Variants in POLE observed in about 807,000 individuals in gnomAD.
POLE encodes DNA polymerase epsilon, catalytic subunit.
POLE carries 188 observed loss-of-function variants against 279.2 expected under a neutral mutation model. The ratio of observed to expected loss-of-function variants is 0.67; its 90% CI spans 0.60 to 0.76. POLE has a LOEUF of 0.76. Ranked by LOEUF, POLE falls within the 30% of genes least tolerant of loss-of-function variation. The pLI is 0.00. For synonymous variants in POLE, 1,214 were observed against 1,172.5 expected (o/e 1.04, Z -0.72); for missense variants, 2,703 against 3,016.7 (o/e 0.90, Z 2.44).
chr12:132,628,037 C>T (rs2041868565), intron 45 of POLE, among the ~76,000 whole-genome samples: 1 of 152,260 alleles, frequency 6.6e-6, no homozygotes, highest in African/African-American at 2.4e-5. Context: ...ACAATGTTCA[C>T]TTTCATCTCA....
At chr12:132,627,430 G>A (rs2041860089) in intron 45 of POLE, among the ~76,000 whole-genome samples, 1 of 152,134 alleles carries the variant, frequency 6.6e-6, no homozygotes, top group Admixed American at 6.5e-5. Context: ...CTTCCCAGTA[G>A]CTGGGACGAC....
At chr12:132,662,090 T>C (rs2042694717) in intron 23 of POLE, among the ~76,000 whole-genome samples, 1 of 152,190 alleles carries the variant, frequency 6.6e-6, no homozygotes, top group South Asian at 2.1e-4. Flanking sequence ...CACAGGGCTG[T>C]ACGCTACAGA....
intron 25 of POLE, 43 bp from the exon 26 acceptor site, chr12:132,659,552 CAG>C: frequency 6.4e-7 from 1 of 1,552,696 alleles, no homozygotes; most frequent in Non-Finnish European, 8.9e-7. Context: ...AATCAAGGGG[CAG>C]AGTCTGAGCT....
chr12:132,678,982 G>A (rs2043112281), intron 6 of POLE, among the ~76,000 whole-genome samples: 1 of 152,242 alleles, frequency 6.6e-6, no homozygotes, highest in South Asian at 2.1e-4. Context: ...TCTTTTGTCA[G>A]AGGGTAAGGT....
chr12:132,670,554 G>A (rs955765226), intron 16 of POLE, among the ~76,000 whole-genome samples: 1 of 150,250 alleles, frequency 6.7e-6, no homozygotes, highest in South Asian at 2.1e-4. Context: ...GTAGTGGAGC[G>A]ATCTCGGCTC....
intron 39 of POLE, chr12:132,640,975 G>C: frequency 2.2e-6 from 1 of 456,698 alleles, no homozygotes; most frequent in Non-Finnish European, 4.4e-6. Flanking sequence ...CTACAGCTGA[G>C]TACAGGCTCT....
At chr12:132,643,691 A>T in intron 33 of POLE, 131 bp from the exon 34 acceptor site, 1 of 1,464,296 alleles carries the variant, frequency 6.8e-7, no homozygotes, top group Non-Finnish European at 9.4e-7. Context: ...CACTTTTGGC[A>T]GACACACTGC....
chr12:132,643,754 C>A (rs2138556531), intron 33 of POLE, 83 bp downstream of exon 33: 2 of 1,524,056 alleles, frequency 1.3e-6, no homozygotes, highest in Non-Finnish European at 9.0e-7. Context: ...TGTTCCCCAG[C>A]CCACACCCTG....
At chr12:132,682,300 AAAAATAAAT>A (rs1210080374) in intron 1 of POLE, among the ~76,000 whole-genome samples, 11 of 102,042 alleles carry the variant, frequency 1.1e-4, no homozygotes, top group South Asian at 3.0e-4. Context: ...GCAAAAAAAA[AAAAATAAAT>A]AAAAATAAAT....
chr12:132,679,705 G>C, intron 5 of POLE, 54 bp from the exon 6 acceptor site: 1 of 1,566,908 alleles, frequency 6.4e-7, no homozygotes. Context: ...GACTTTATGG[G>C]TGAGAGGGTA....
rs550528408 is a variant in POLE at position 132,644,013 on chromosome 12, G to GT, written c.4150-37dup. The GT allele has an allele frequency of 3.5e-4, 565 of 1,600,814 alleles. No homozygotes were observed. Among genetic ancestry groups the GT allele is most frequent in the Middle Eastern group, 1.8e-3 (11 of 5,994 alleles). On this transcript the variant is annotated intron_variant, in intron 32 of 48. Coordinates refer to ENST00000320574, the MANE Select transcript of POLE (RefSeq NM_006231.4). ...TACGACGATGATCTCGTCACTGGGC[G>GT]TAAGTGGTAATGTCTGTGGTACACA...
In POLE at chr12:132,665,307, G is replaced by A. The variant is rs751392565; in HGVS notation, c.2463C>T (p.Arg821=). 7.4e-6 allele frequency: 12 copies of A among 1,613,358 alleles called. No individual in the cohort carries two copies. The East Asian group carries it at 2.2e-4, about 30-fold the overall frequency. The change falls in exon 21 of 49, where the codon CGC becomes CGT. Residue 821 remains arginine (R), a synonymous_variant. Transcript: ENST00000320574. ...ILNSFYGYVM[R]KGARWYSMEM... The stretch of plus-strand genomic sequence containing the variant: ...CCGGGCCCGGGCCCACCTACCCCTT[G>A]CGCATGACATAGCCATAGAAGGAGT...
Position 132,661,527 on chromosome 12 carries a change from C to G in POLE, c.2864G>C (p.Arg955Thr). 1 of 1,613,996 alleles carries G rather than the reference C, an allele frequency of 6.2e-7. No individual in the cohort carries two copies. The highest frequency in any genetic ancestry group is 8.5e-7 in the Non-Finnish European group (1 of 1,179,918). The change falls in exon 24 of 49, where the codon AGG becomes ACG. Residue 955 changes from arginine (R) to threonine (T), a missense_variant and splice_region_variant. Arg to Thr is a moderately conservative substitution (Grantham distance 71). Around this residue, in one of 5 missense-constraint regions of POLE, gnomAD observed 101 missense variants for 115.4 expected, o/e 0.87. Transcript: ENST00000320574. This position sits in a 1 kb window ranked among gnomAD's most constrained non-coding sequence, Gnocchi z 4.1. ...SKEEGKKLKK[R>T]YAVFNEDGSL... Reference sequence around the variant, plus strand: ...AGCACAAAAGCTATGAGAGTCCCACCTCTTCTTCAATTTCTTGCCTTCTTC... The same window carrying G: ...AGCACAAAAGCTATGAGAGTCCCACGTCTTCTTCAATTTCTTGCCTTCTTC...
Position 132,677,604 on chromosome 12 carries a change from GGCGGATGTGGTAGGGAACATCGTACTC to G in POLE, c.667_693del (p.Glu223_Arg231del), listed in dbSNP as rs1272503308. 1.2e-6 allele frequency: 2 copies of G among 1,614,220 alleles called. No individual in the cohort carries two copies. Among genetic ancestry groups the G allele is most frequent in the Non-Finnish European group, 1.7e-6 (2 of 1,180,040 alleles). On this transcript the variant is annotated inframe_deletion, in exon 7 of 49. Coordinates refer to ENST00000320574, the MANE Select transcript of POLE (RefSeq NM_006231.4). Reference sequence around the variant, plus strand: ...ACGTGGATCTTCAGGTCAATGGAGAGGCGGATGTGGTAGGGAACATCGTACTCGCGCATGTCCACAATGTTGTCCAAC... The same window carrying G: ...ACGTGGATCTTCAGGTCAATGGAGAGGCGCATGTCCACAATGTTGTCCAAC...
intron 45 of POLE, among the ~76,000 whole-genome samples, chr12:132,630,611 C>T (rs1213500078): frequency 2.0e-5 from 3 of 152,042 alleles, no homozygotes; most frequent in African/African-American, 4.8e-5. Context: ...ATTGGGGGGG[C>T]GTGGTGGCAG....
rs777409231 is a variant in POLE, at chr12:132,677,731, CA to C, written c.579-13del. 1 of 1,612,758 alleles carries C rather than the reference CA, an allele frequency of 6.2e-7. No individual in the cohort carries two copies. The highest frequency in any genetic ancestry group is 8.5e-7 in the Non-Finnish European group (1 of 1,179,182). On this transcript the variant is annotated splice_polypyrimidine_tract_variant and intron_variant, in intron 6 of 48. Transcript: ENST00000320574. ...CCCTCTGCAGAACACTAGGAATTAA[CA>C]AGAGAGCAACTAACTCAGCTGCCAG...
Position 132,668,595 on chromosome 12 carries a change from C to T in POLE, c.2026+40G>A, listed in dbSNP as rs1423049399. ...GAAAGGCGGCCGACACTCACCCACC[C>T]GTTTCCCACCGAGTGCCCACCCAGG... On this transcript the variant is annotated intron_variant, in intron 18 of 48. Coordinates refer to ENST00000320574, the MANE Select transcript of POLE (RefSeq NM_006231.4). The surrounding 1 kb of genome is among the most constrained non-coding windows in gnomAD (Gnocchi z 4.0). 12 of 1,592,030 alleles carry T rather than the reference C, an allele frequency of 7.5e-6. No individual in the cohort carries two copies. The highest frequency in any genetic ancestry group is 6.8e-5 in the Admixed American group (4 of 59,250).
At position 132,649,759 on chromosome 12, in the gene POLE, C is replaced by G; in HGVS notation, c.3713G>C (p.Ser1238Thr). ...TVKRKRVLWE[S>T]QEESQDLTPT... is the part of the protein sequence containing the mutation. ...CGTGAGGTCCTGGGACTCCTCCTGG[C>G]TCTCCCAAAGAACTCGCTTCCTCTT... Residue 1238 changes from serine (S) to threonine (T), a missense_variant, in exon 30 of 49, where the codon AGC becomes ACC. By Grantham distance (58) the Ser-to-Thr change is moderately conservative (BLOSUM62 1). Around this residue, in one of 5 missense-constraint regions of POLE, gnomAD observed 1,551 missense variants for 1,686.1 expected, o/e 0.92. Transcript: ENST00000320574. 1 of 1,614,196 alleles carries G rather than the reference C, an allele frequency of 6.2e-7. No homozygotes were observed. Among genetic ancestry groups the G allele is most frequent in the Non-Finnish European group, 8.5e-7 (1 of 1,180,044 alleles).
intron 45 of POLE, 118 bp downstream of exon 45, chr12:132,632,197 C>A: frequency 1.3e-6 from 1 of 767,398 alleles, no homozygotes. Flanking sequence ...TTATCTTGCA[C>A]ACATACGCTA....
Sources: allele counts gnomAD v4.1 joint callset (sites outside exome capture counted in the v4.1 genomes callset), GRCh38; gene constraint gnomAD v4.1.1; regional missense constraint gnomAD v4.1.1; non-coding constraint Gnocchi (gnomAD v3.1); transcripts MANE v1.5; gene names NCBI Gene and HGNC (gene_info 2026-07-23, HGNC 2026-07-21).